The following DIP2B variants were observed in gnomAD, a reference collection of about 807,000 sequenced individuals.
The protein encoded by DIP2B is disco-interacting protein 2 homolog B.
DIP2B carries 76 observed loss-of-function variants against 198.0 expected under a neutral mutation model. The observed-to-expected ratio is 0.38, with a 90% CI of 0.32 to 0.46. The LOEUF (loss-of-function observed/expected upper bound fraction) is 0.46. DIP2B is among the 20% of genes least tolerant of loss of function. The pLI, the probability that DIP2B is intolerant of heterozygous loss-of-function variation, is 0.99. For missense variants in DIP2B, 1,559 were observed against 1,978.4 expected (o/e 0.79, Z 4.02); for synonymous variants, 701 against 739.1 (o/e 0.95, Z 0.84).
intron 2 of DIP2B, among the ~76,000 whole-genome samples, chr12:50,639,310 C>G (rs1938213590): frequency 6.6e-6 from 1 of 152,066 alleles, no homozygotes; most frequent in Non-Finnish European, 1.5e-5. Context: ...CAGTGGTTGT[C>G]TTCCCCCTCA....
intron 21 of DIP2B, among the ~76,000 whole-genome samples, chr12:50,707,769 C>T (rs1453772078): frequency 1.3e-5 from 2 of 151,996 alleles, no homozygotes; most frequent in African/African-American, 2.4e-5. Context: ...GGGAGTGCCT[C>T]GCTAGTAAGG....
In DIP2B at chr12:50,702,188, T is replaced by C. The variant is rs1592134519; in HGVS notation, c.2326-1952T>C. 2.0e-5 allele frequency among the ~76,000 whole-genome samples: 3 copies of C among 151,988 alleles called. No homozygotes were observed. In the East Asian group the frequency reaches 5.8e-4, roughly 29 times the overall value. On this transcript the variant is annotated intron_variant, in intron 19 of 37. Coordinates refer to ENST00000301180, the MANE Select transcript of DIP2B (RefSeq NM_173602.3). ...GGTGAAGCCCCGTCTCTACTAAAAA[T>C]ACAAAAAATTAGCCAGGCATGGTGG...
At chr12:50,631,990 C>CTT (rs752577696) in intron 2 of DIP2B, among the ~76,000 whole-genome samples, 2 of 140,014 alleles carry the variant, frequency 1.4e-5, no homozygotes, top group Non-Finnish European at 1.6e-5. Flanking sequence ...TTTAATTTGA[C>CTT]TTTTTTTTTT....
chr12:50,709,189 C>G (rs1379422051), intron 22 of DIP2B, among the ~76,000 whole-genome samples: 1 of 152,154 alleles, frequency 6.6e-6, no homozygotes, highest in Non-Finnish European at 1.5e-5. Context: ...AGTTTATTTC[C>G]TAACCTGCAA....
At chr12:50,533,191 G>A (rs1209074655) in intron 1 of DIP2B, among the ~76,000 whole-genome samples, 3 of 152,196 alleles carry the variant, frequency 2.0e-5, no homozygotes, top group African/African-American at 7.2e-5. Flanking sequence ...CAGTTGTTTA[G>A]TAATAAGTTC....
chr12:50,587,683 G>A (rs1958782966), intron 1 of DIP2B, among the ~76,000 whole-genome samples: 1 of 151,954 alleles, frequency 6.6e-6, no homozygotes, highest in South Asian at 2.1e-4. Flanking sequence ...GATCTTATAT[G>A]GAAGCAACAA....
chr12:50,728,914 C>G (rs1939986781), intron 30 of DIP2B, among the ~76,000 whole-genome samples: 1 of 152,176 alleles, frequency 6.6e-6, no homozygotes, highest in Non-Finnish European at 1.5e-5. Flanking sequence ...GATCCTGTTA[C>G]TTGCTCTCTG....
chr12:50,597,472 T>C (rs1273016146), intron 1 of DIP2B, among the ~76,000 whole-genome samples: 2 of 152,174 alleles, frequency 1.3e-5, no homozygotes, highest in East Asian at 3.8e-4. Flanking sequence ...GGGAAAAGGT[T>C]AAAAATAAGA....
At chr12:50,595,694 C>T (rs1958872606) in intron 1 of DIP2B, among the ~76,000 whole-genome samples, 1 of 152,162 alleles carries the variant, frequency 6.6e-6, no homozygotes, top group Admixed American at 6.5e-5. Context: ...TCCTCTAGAA[C>T]AGTTTTCTTA....
At chr12:50,659,511 T>C (rs1938609412) in intron 3 of DIP2B, among the ~76,000 whole-genome samples, 1 of 151,860 alleles carries the variant, frequency 6.6e-6, no homozygotes, top group South Asian at 2.1e-4. Flanking sequence ...AAATACTGTG[T>C]ACAGTATGAT....
At chr12:50,717,900 T>C (rs1939761139) in intron 23 of DIP2B, among the ~76,000 whole-genome samples, 1 of 139,696 alleles carries the variant, frequency 7.2e-6, no homozygotes, top group Non-Finnish European at 1.6e-5. Context: ...TATTCACTTT[T>C]TTTTTTTTTT....
chr12:50,695,800 G>A (rs1160895980), intron 15 of DIP2B, 48 bp from the exon 16 acceptor site: 1 of 1,607,002 alleles, frequency 6.2e-7, no homozygotes, highest in South Asian at 1.1e-5. Context: ...TATTACATAT[G>A]TCCCAAATTT....
chr12:50,716,432 G>A (rs181345284), intron 23 of DIP2B, among the ~76,000 whole-genome samples: 29 of 152,242 alleles, frequency 1.9e-4, no homozygotes, highest in African/African-American at 7.0e-4. Flanking sequence ...AACCCGGGAG[G>A]CAGGAGAATG....
rs141203552 is a variant in DIP2B at position 50,712,965 on chromosome 12, A to C, written c.2650-1430A>C. Among the ~76,000 whole-genome samples, 449 of 152,314 alleles carry C rather than the reference A, an allele frequency of 2.9e-3. 5 individuals are homozygous for C. The highest frequency in any genetic ancestry group is 0.01 in the African/African-American group (426 of 41,570). ...AAAATGAGAAATTCTTCAAGTATTAAATTTTAATAGAAAATATCTAAGTAT... is the reference window on the plus strand; with the variant it reads ...AAAATGAGAAATTCTTCAAGTATTACATTTTAATAGAAAATATCTAAGTAT... On this transcript the variant is annotated intron_variant, in intron 22 of 37. Transcript: ENST00000301180.
At position 50,590,320 on chromosome 12, in the gene DIP2B, G is replaced by GC. The variant is rs573145032; in HGVS notation, c.101-35651dup. ...TCTGTTTTTGAAGATGCCATTTGTG[G>GC]CCCCCACTGGAGAAGTAATTGAGGA... On this transcript the variant is annotated intron_variant, in intron 1 of 37. Transcript: ENST00000301180. Among the ~76,000 whole-genome samples, 185 of 151,978 alleles carry GC rather than the reference G, an allele frequency of 1.2e-3. 2 individuals carry two copies. The highest frequency in any genetic ancestry group is 4.2e-3 in the African/African-American group (174 of 41,464).
At chr12:50,533,746 T>C (rs1023361953) in intron 1 of DIP2B, among the ~76,000 whole-genome samples, 8 of 151,906 alleles carry the variant, frequency 5.3e-5, no homozygotes, top group African/African-American at 1.9e-4. Flanking sequence ...GTGGGCACCA[T>C]GCTGGCTAAT....
intron 19 of DIP2B, 49 bp from the exon 20 acceptor site, chr12:50,704,091 C>G (rs746642754): frequency 3.2e-6 from 5 of 1,553,050 alleles, no homozygotes; most frequent in Middle Eastern, 3.4e-4. Flanking sequence ...ATCACATATA[C>G]TTTCTAAGAA....
At chr12:50,534,121 C>T (rs1240642738) in intron 1 of DIP2B, among the ~76,000 whole-genome samples, 1 of 152,080 alleles carries the variant, frequency 6.6e-6, no homozygotes, top group Non-Finnish European at 1.5e-5. Context: ...AGTTAGAACT[C>T]CAATTAGGCA....
chr12:50,699,663 T>A (rs1248113093), intron 19 of DIP2B, among the ~76,000 whole-genome samples: 1 of 151,958 alleles, frequency 6.6e-6, no homozygotes, highest in South Asian at 2.1e-4. Context: ...AATGTAGCAA[T>A]GTAGCAAGGC....
Sources: gnomAD v4.1 joint callset for allele counts (sites outside exome capture counted in the v4.1 genomes callset) on GRCh38, gnomAD v4.1.1 for gene constraint, MANE v1.5 for transcripts, NCBI Gene and HGNC (gene_info 2026-07-23, HGNC 2026-07-21) for gene names.